PKNOX2: variants seen among roughly 807,000 people sequenced by gnomAD.
PKNOX2 encodes homeobox protein PKNOX2.
A neutral mutation model predicts 53.1 loss-of-function variants in PKNOX2; 14 were observed. That is an observed-to-expected ratio of 0.26 (90% CI 0.17 to 0.41). The LOEUF (loss-of-function observed/expected upper bound fraction) is 0.41. Ranked by LOEUF, PKNOX2 falls within the 10% of genes least tolerant of loss-of-function variation. PKNOX2 has a pLI of 1.00. For missense variants in PKNOX2, 496 were observed against 602.8 expected (o/e 0.82, Z 1.85); for synonymous variants, 257 against 242.8 (o/e 1.06, Z -0.54).
At chr11:125,299,783 G>T (rs11220013) in intron 2 of PKNOX2, among the ~76,000 whole-genome samples, 2 of 152,080 alleles carry the variant, frequency 1.3e-5, no homozygotes, top group Non-Finnish European at 1.5e-5. Context: ...GGATCCCCTC[G>T]CATCCCCCCA....
At chr11:125,402,247 T>G (rs1322327646) in intron 7 of PKNOX2, among the ~76,000 whole-genome samples, 1 of 152,126 alleles carries the variant, frequency 6.6e-6, no homozygotes, top group African/African-American at 2.4e-5. Flanking sequence ...GAACCCATCC[T>G]GTGCTGCAGG....
At chr11:125,379,185 C>T (rs963308245) in intron 5 of PKNOX2, among the ~76,000 whole-genome samples, 3 of 151,766 alleles carry the variant, frequency 2.0e-5, no homozygotes, top group Non-Finnish European at 4.4e-5. Flanking sequence ...CTCAGCCTCC[C>T]GAGTAGCTGG....
chr11:125,272,199 C>T (rs1945842440), intron 2 of PKNOX2, among the ~76,000 whole-genome samples: 1 of 152,116 alleles, frequency 6.6e-6, no homozygotes, highest in African/African-American at 2.4e-5. Context: ...TGTGAAGGGT[C>T]GTGGGGGTGT....
At chr11:125,293,752 C>G (rs1947464429) in intron 2 of PKNOX2, among the ~76,000 whole-genome samples, 1 of 151,866 alleles carries the variant, frequency 6.6e-6, no homozygotes, top group Non-Finnish European at 1.5e-5. Flanking sequence ...CACACACACT[C>G]ACACACACCC....
chr11:125,383,491 C>T (rs914673557), intron 5 of PKNOX2, among the ~76,000 whole-genome samples: 1 of 150,354 alleles, frequency 6.7e-6, no homozygotes, highest in Non-Finnish European at 1.5e-5. Flanking sequence ...ATGGCGGGAA[C>T]CTATAATCCC....
At chr11:125,366,912 G>A (rs970762413) in intron 4 of PKNOX2, among the ~76,000 whole-genome samples, 1 of 152,228 alleles carries the variant, frequency 6.6e-6, no homozygotes, top group African/African-American at 2.4e-5. Flanking sequence ...GGAAGCTGGT[G>A]ATGAAGGAGT....
At chr11:125,405,187 GAAGGA>G (rs1955009003) in intron 7 of PKNOX2, among the ~76,000 whole-genome samples, 1 of 152,230 alleles carries the variant, frequency 6.6e-6, no homozygotes, top group Non-Finnish European at 1.5e-5. Context: ...TCCTCAGCTG[GAAGGA>G]TCTTTGCCAG....
chr11:125,177,665 G>GTC (rs1955800662), intron 1 of PKNOX2, among the ~76,000 whole-genome samples: 1 of 152,156 alleles, frequency 6.6e-6, no homozygotes, highest in African/African-American at 2.4e-5. Context: ...CGTCACTTCC[G>GTC]TCTCTCTCCC....
intron 10 of PKNOX2, among the ~76,000 whole-genome samples, chr11:125,423,433 AGGTGGAG>A (rs199836656): frequency 0.013 from 1,977 of 152,310 alleles, 16 homozygotes; most frequent in Non-Finnish European, 0.02. Context: ...ACCTGCCTCT[AGGTGGAG>A]CTCCTGGGAG....
intron 1 of PKNOX2, among the ~76,000 whole-genome samples, chr11:125,175,158 G>A (rs11824055): frequency 0.41 from 62,311 of 151,718 alleles, 14,156 homozygotes; most frequent in African/African-American, 0.61. Context: ...CAAGCTGGAC[G>A]TCTGGTCTCC....
At chr11:125,221,029 C>A (rs957531563) in intron 1 of PKNOX2, among the ~76,000 whole-genome samples, 1 of 152,150 alleles carries the variant, frequency 6.6e-6, no homozygotes, top group Non-Finnish European at 1.5e-5. Flanking sequence ...GTGGCGGGCA[C>A]CTGTAATCCC....
intron 3 of PKNOX2, among the ~76,000 whole-genome samples, chr11:125,338,535 G>A (rs1419016308): frequency 1.3e-5 from 2 of 152,172 alleles, no homozygotes; most frequent in Non-Finnish European, 2.9e-5. Context: ...CTGGCTCTGG[G>A]AGCAGACATC....
intron 2 of PKNOX2, among the ~76,000 whole-genome samples, chr11:125,308,142 T>C (rs1445622941): frequency 2.0e-5 from 3 of 152,180 alleles, no homozygotes; most frequent in African/African-American, 7.2e-5. Context: ...GGGAGACCCC[T>C]GGCCACTGGG....
intron 3 of PKNOX2, among the ~76,000 whole-genome samples, chr11:125,347,877 A>G (rs1951067571): frequency 6.6e-6 from 1 of 152,210 alleles, no homozygotes; most frequent in Non-Finnish European, 1.5e-5. Flanking sequence ...AAATCTCTCC[A>G]TGGGAGATGC....
chr11:125,267,296 C>A (rs979985414), intron 2 of PKNOX2, among the ~76,000 whole-genome samples: 1 of 152,134 alleles, frequency 6.6e-6, no homozygotes, highest in African/African-American at 2.4e-5. Flanking sequence ...AGTCCTGTCC[C>A]GGGATAGTGC....
rs368680997 is a variant in PKNOX2 at position 125,411,823 on chromosome 11, T to C, written c.894T>C (p.His298=). 1 of 1,614,008 alleles carries C rather than the reference T, an allele frequency of 6.2e-7. No homozygotes were observed. The highest frequency in any genetic ancestry group is 1.3e-5 in the African/African-American group (1 of 74,888). ...ACAAACGAGGAGTCTTGCCCAAGCA[T>C]GCCACCAATATAATGCGTTCTTGGC... The part of the protein sequence containing the change: ...SKNKRGVLPK[H]ATNIMRSWLF... Residue 298 remains histidine, a synonymous_variant, in exon 10 of 13, where the codon CAT becomes CAC. Coordinates refer to ENST00000298282, the MANE Select transcript of PKNOX2 (RefSeq NM_001382323.2).
intron 2 of PKNOX2, among the ~76,000 whole-genome samples, chr11:125,267,333 A>C (rs1945435814): frequency 6.6e-6 from 1 of 152,192 alleles, no homozygotes; most frequent in Non-Finnish European, 1.5e-5. Flanking sequence ...TGGAAGGGTC[A>C]GGAAGGATGT....
At chr11:125,189,720 C>A (rs910545235) in intron 1 of PKNOX2, among the ~76,000 whole-genome samples, 1 of 151,676 alleles carries the variant, frequency 6.6e-6, no homozygotes, top group African/African-American at 2.4e-5. Flanking sequence ...TCTCTGCACT[C>A]TATGCCACTT....
intron 3 of PKNOX2, among the ~76,000 whole-genome samples, chr11:125,335,418 G>A (rs905747477): frequency 6.6e-5 from 10 of 152,184 alleles, no homozygotes; most frequent in Admixed American, 6.5e-4. Flanking sequence ...CCTTCTCTGT[G>A]AATGAGGGAG....
Sources: gnomAD v4.1 joint callset for allele counts (sites outside exome capture counted in the v4.1 genomes callset) on GRCh38, gnomAD v4.1.1 for gene constraint, MANE v1.5 for transcripts, NCBI Gene and HGNC (gene_info 2026-07-23, HGNC 2026-07-21) for gene names.